FAM135B: variants seen among roughly 807,000 people sequenced by gnomAD.
FAM135B encodes the protein family with sequence similarity 135 member B.
Under a neutral mutation model 127.7 loss-of-function variants are expected in FAM135B, and 43 were observed. That is an observed-to-expected ratio of 0.34 (90% CI 0.26 to 0.43). The LOEUF is 0.43. Among genes scored for constraint, FAM135B ranks in the 20% least tolerant of loss-of-function variants. The pLI is 1.00. For missense variants in FAM135B, 1,558 were observed against 1,725.6 expected, an observed-to-expected ratio of 0.90 and a Z score of 1.72; for synonymous variants, 670 against 665.1, an observed-to-expected ratio of 1.01 and a Z score of -0.11.
chr8:138,230,748 C>T (rs1406826340), intron 7 of FAM135B, among the ~76,000 whole-genome samples: 1 of 152,110 alleles, frequency 6.6e-6, no homozygotes, highest in Non-Finnish European at 1.5e-5. Context: ...TTTTTTAAAG[C>T]CTACCTCTTG....
At chr8:138,408,386 GA>G (rs1833657651) in intron 1 of FAM135B, among the ~76,000 whole-genome samples, 1 of 152,148 alleles carries the variant, frequency 6.6e-6, no homozygotes, top group African/African-American at 2.4e-5. Context: ...TAATGTTATA[GA>G]GATGGTTTCT....
chr8:138,441,397 T>C (rs1407830609), intron 1 of FAM135B: 1 of 152,210 alleles, frequency 6.6e-6, no homozygotes, highest in African/African-American at 2.4e-5. Context: ...GTCTCTTCTG[T>C]GAGCTTTAGG....
At chr8:138,303,296 G>A (rs1826017036) in intron 3 of FAM135B, among the ~76,000 whole-genome samples, 1 of 152,150 alleles carries the variant, frequency 6.6e-6, no homozygotes, top group African/African-American at 2.4e-5. Flanking sequence ...GATCATGGAT[G>A]AAGCTGGAAG....
chr8:138,178,125 G>A (rs1413421659), intron 10 of FAM135B, among the ~76,000 whole-genome samples: 2 of 151,978 alleles, frequency 1.3e-5, no homozygotes, highest in African/African-American at 2.4e-5. Flanking sequence ...GTGTGAGCCT[G>A]TAATCCCAGC....
At chr8:138,417,426 T>C (rs1834227790) in intron 1 of FAM135B, among the ~76,000 whole-genome samples, 1 of 152,122 alleles carries the variant, frequency 6.6e-6, no homozygotes. Context: ...TGGTGTATAC[T>C]CACCCCCAGC....
At chr8:138,456,874 A>G (rs1453980088) in intron 1 of FAM135B, among the ~76,000 whole-genome samples, 1 of 152,058 alleles carries the variant, frequency 6.6e-6, no homozygotes, top group Admixed American at 6.5e-5. Flanking sequence ...GGAGACAGAA[A>G]CCACGCTCCT....
At chr8:138,183,876 G>A (rs1044559764) in intron 9 of FAM135B, among the ~76,000 whole-genome samples, 8 of 152,208 alleles carry the variant, frequency 5.3e-5, no homozygotes, top group Non-Finnish European at 8.8e-5. Flanking sequence ...TTTTGCTTCA[G>A]CAAATATTTA....
chr8:138,148,198 A>G (rs1349479592), intron 14 of FAM135B, among the ~76,000 whole-genome samples: 2 of 151,990 alleles, frequency 1.3e-5, no homozygotes, highest in Non-Finnish European at 2.9e-5. Flanking sequence ...TAATTCATTC[A>G]CTCCATTCTT....
chr8:138,156,265 C>A (rs1317607012), intron 12 of FAM135B, among the ~76,000 whole-genome samples: 1 of 152,208 alleles, frequency 6.6e-6, no homozygotes, highest in Non-Finnish European at 1.5e-5. Flanking sequence ...AAAGACACAA[C>A]ATACCAGAAT....
rs1275171496 is a variant in FAM135B at position 138,241,620 on chromosome 8, G to C, written c.669+1322C>G. Among the ~76,000 whole-genome samples the C allele has an allele frequency of 6.6e-6, 1 of 152,186 alleles. No homozygotes were observed. The highest frequency in any genetic ancestry group is 2.4e-5 in the African/African-American group (1 of 41,434). Reference sequence around the variant, plus strand: ...TAATATTCTGAACAGTCTGTGCACAGAGCCTGACTGTATAGGAGGATAGAA... The same window carrying C: ...TAATATTCTGAACAGTCTGTGCACACAGCCTGACTGTATAGGAGGATAGAA... On this transcript the variant is annotated intron_variant, in intron 7 of 19. Transcript: ENST00000395297. The surrounding 1 kb of genome is among the most constrained non-coding windows in gnomAD (Gnocchi z 4.8).
rs1816285114 is a variant in FAM135B, at chr8:138,132,453, C to G, written c.*140G>C. 2 of 692,474 alleles carry G rather than the reference C, an allele frequency of 2.9e-6. No individual in the cohort carries two copies. Among genetic ancestry groups the G allele is most frequent in the African/African-American group, 1.8e-5 (1 of 56,262 alleles). The allele number at this position is 692,474 out of a possible 1,614,324, so 42.9% of individuals were successfully genotyped here. A position where few individuals can be genotyped will look rare whatever the true frequency, so the allele number is the denominator to read the frequency against. On this transcript the variant is annotated 3_prime_UTR_variant, in exon 20 of 20. Transcript: ENST00000395297. This position sits in a 1 kb window ranked among gnomAD's most constrained non-coding sequence, Gnocchi z 4.5. ...GAATCTCCAAAACAAAAGCACCTCT[C>G]ATGTCAGGTTCCACCCGAGCCTCCG... is the stretch of plus-strand genomic sequence containing the variant.
chr8:138,228,284 G>C (rs573181986), intron 7 of FAM135B, among the ~76,000 whole-genome samples: 1 of 151,926 alleles, frequency 6.6e-6, no homozygotes, highest in Non-Finnish European at 1.5e-5. Context: ...CTTCACTCTC[G>C]CTGGGCTGAA....
At chr8:138,135,237 A>G (rs1586560038) in intron 19 of FAM135B, among the ~76,000 whole-genome samples, 2 of 152,194 alleles carry the variant, frequency 1.3e-5, no homozygotes, top group African/African-American at 4.8e-5. Flanking sequence ...ATGTCAACAA[A>G]AATATTTCTC....
intron 2 of FAM135B, among the ~76,000 whole-genome samples, chr8:138,318,317 A>G (rs144484844): frequency 3.9e-4 from 59 of 152,348 alleles, no homozygotes; most frequent in East Asian, 1.9e-3. Context: ...CAACTGTCAC[A>G]TTGTAAGGGT....
At chr8:138,486,902 C>G (rs994246249) in intron 1 of FAM135B, among the ~76,000 whole-genome samples, 2 of 152,100 alleles carry the variant, frequency 1.3e-5, no homozygotes, top group Non-Finnish European at 2.9e-5. Context: ...ATAGGGTGAC[C>G]AACTCATCTG....
chr8:138,397,220 A>G (rs1832901661), intron 1 of FAM135B, among the ~76,000 whole-genome samples: 1 of 152,228 alleles, frequency 6.6e-6, no homozygotes, highest in African/African-American at 2.4e-5. Flanking sequence ...GCCAGATTCC[A>G]GGGCACAAAA....
chr8:138,151,969 C>T lies in FAM135B; in HGVS notation c.2506G>A (p.Ala836Thr), dbSNP rs1381838153. ...DHPLVEIVLD[A>T]DNQQGPGYID... ...TATCCGGGGCCCTGCTGGTTGTCAGCATCTAAAACTATCTCCACCAGGGGA... is the reference window on the plus strand; with the variant it reads ...TATCCGGGGCCCTGCTGGTTGTCAGTATCTAAAACTATCTCCACCAGGGGA... The change falls in exon 13 of 20, where the codon GCT becomes ACT. Residue 836 changes from alanine (A) to threonine (T), a missense_variant. Ala to Thr is a moderately conservative substitution (Grantham distance 58). Coordinates refer to ENST00000395297, the MANE Select transcript of FAM135B (RefSeq NM_015912.4). The T allele has an allele frequency of 6.2e-7, 1 of 1,614,006 alleles. No individual in the cohort carries two copies. The highest frequency in any genetic ancestry group is 2.2e-5 in the East Asian group (1 of 44,874).
intron 15 of FAM135B, among the ~76,000 whole-genome samples, chr8:138,143,583 C>T (rs747261698): frequency 4.6e-5 from 7 of 152,064 alleles, no homozygotes; most frequent in Admixed American, 2.0e-4. Context: ...AAGTCACCCA[C>T]GTCTTAGGAT....
intron 1 of FAM135B, among the ~76,000 whole-genome samples, chr8:138,389,955 A>G (rs575373298): frequency 6.6e-6 from 1 of 152,286 alleles, no homozygotes; most frequent in African/African-American, 2.4e-5. Context: ...AGGATGCCTT[A>G]TTGTACTTAT....
Sources: gnomAD v4.1 joint callset for allele counts (sites outside exome capture counted in the v4.1 genomes callset) on GRCh38, gnomAD v4.1.1 for gene constraint, Gnocchi (gnomAD v3.1) non-coding constraint, MANE v1.5 for transcripts, NCBI Gene and HGNC (gene_info 2026-07-23, HGNC 2026-07-21) for gene names.